GOLGA4: variants seen among roughly 807,000 people sequenced by gnomAD.
GOLGA4 encodes golgin subfamily A member 4.
A neutral mutation model predicts 265.9 loss-of-function variants in GOLGA4; 169 were observed. That is an observed-to-expected ratio of 0.64 (90% CI 0.56 to 0.72). GOLGA4 has a LOEUF of 0.72. Among genes scored for constraint, GOLGA4 ranks in the 30% least tolerant of loss-of-function variants. GOLGA4 has a pLI of 0.00. For missense variants in GOLGA4, 2,482 were observed against 2,483.4 expected, an observed-to-expected ratio of 1.00 and a Z score of 0.01; for synonymous variants, 923 against 855.8, an observed-to-expected ratio of 1.08 and a Z score of -1.37.
At chr3:37,346,662 G>A (rs1202375146) in intron 20 of GOLGA4, among the ~76,000 whole-genome samples, 1 of 152,094 alleles carries the variant, frequency 6.6e-6, no homozygotes, top group Non-Finnish European at 1.5e-5. Context: ...AGGTTATATT[G>A]CTAATAATTG....
chr3:37,273,819 C>T lies in GOLGA4; in HGVS notation c.163-8139C>T, dbSNP rs556484118. ...CTCATTTTAAAAATTAATGCAAGGC[C>T]AGGCACTGTGGCTCCCGCCTGTCTG... On this transcript the variant is annotated intron_variant, in intron 2 of 23. Transcript: ENST00000361924. Among the ~76,000 whole-genome samples, 7 of 152,234 alleles carry T rather than the reference C, an allele frequency of 4.6e-5. No homozygotes were observed. In the South Asian group the frequency reaches 1.0e-3, roughly 23 times the overall value.
Position 37,323,588 on chromosome 3 carries a change from A to G in GOLGA4, c.1702A>G (p.Arg568Gly), listed in dbSNP as rs1365975008. 1 of 1,537,260 alleles carries G rather than the reference A, an allele frequency of 6.5e-7. No homozygotes were observed. Among genetic ancestry groups the G allele is most frequent in the Non-Finnish European group, 8.8e-7 (1 of 1,142,262 alleles). Residue 568 changes from arginine to glycine, a missense_variant and splice_region_variant, in exon 14 of 24, where the codon AGA (arginine) becomes GGA (glycine). Arg to Gly is a moderately radical substitution (Grantham distance 125). This residue lies in a region of GOLGA4 where 1,536 missense variants were observed against 1,483.7 expected (regional missense o/e 1.04). Transcript: ENST00000361924. Reference sequence around the variant, plus strand: ...AAATGCATCTGTTTTTAATTAACAGAGAATTCTTGAATTGGAAAGTTCTTT... The same window carrying G: ...AAATGCATCTGTTTTTAATTAACAGGGAATTCTTGAATTGGAAAGTTCTTT... ...LQQEAETYRT[R>G]ILELESSLEK...
chr3:37,258,030 T>C (rs2096757229), intron 2 of GOLGA4, among the ~76,000 whole-genome samples: 4 of 81,436 alleles, frequency 4.9e-5, no homozygotes, highest in Admixed American at 4.2e-4. Context: ...TGTATGTATA[T>C]ATGTATATAT....
intron 19 of GOLGA4, among the ~76,000 whole-genome samples, chr3:37,338,377 A>T (rs932283771): frequency 3.9e-5 from 6 of 152,150 alleles, no homozygotes; most frequent in African/African-American, 1.4e-4. Flanking sequence ...TAATTGTACT[A>T]TATTTTCTTG....
At chr3:37,342,829 A>T (rs997862143) in intron 20 of GOLGA4, among the ~76,000 whole-genome samples, 1 of 152,216 alleles carries the variant, frequency 6.6e-6, no homozygotes, top group Non-Finnish European at 1.5e-5. Flanking sequence ...TATTTTTTGT[A>T]GTAATTTCCA....
intron 1 of GOLGA4, 179 bp downstream of exon 1, chr3:37,243,801 C>A: frequency 1.7e-6 from 1 of 592,516 alleles, no homozygotes; most frequent in Non-Finnish European, 3.0e-6. Context: ...TAACTCCTGA[C>A]CTGGATTTTC....
intron 9 of GOLGA4, among the ~76,000 whole-genome samples, chr3:37,299,582 G>A (rs2096887497): frequency 1.3e-5 from 2 of 152,092 alleles, no homozygotes; most frequent in Non-Finnish European, 2.9e-5. Context: ...ATCCCAGTCA[G>A]CATTATGATT....
At chr3:37,258,006 CATACATATAT>C (rs2096756569) in intron 2 of GOLGA4, among the ~76,000 whole-genome samples, 2 of 58,968 alleles carry the variant, frequency 3.4e-5, no homozygotes, top group Admixed American at 2.1e-4. Context: ...TGTATATATA[CATACATATAT>C]ATATGTATGT....
At position 37,282,139 on chromosome 3, in the gene GOLGA4, A is replaced by T. The variant is rs2096836436; in HGVS notation, c.344A>T (p.Asp115Val). The stretch of plus-strand genomic sequence containing the variant: ...CTGGACAGTTCTACTGCCAGTTTTG[A>T]TCCACCCTCTGATATGGATAGCGAG... ...LDLDSSTASF[D>V]PPSDMDSEAE... Residue 115 changes from aspartate to valine, a missense_variant, in exon 3 of 24, where the codon GAT (aspartate) becomes GTT (valine). Asp to Val is a radical substitution (Grantham distance 152). Around this residue, in one of 3 missense-constraint regions of GOLGA4, gnomAD observed 1,536 missense variants for 1,483.7 expected, o/e 1.04. Coordinates refer to ENST00000361924, the MANE Select transcript of GOLGA4 (RefSeq NM_002078.5). 1 of 1,614,134 alleles carries T rather than the reference A, an allele frequency of 6.2e-7. No individual in the cohort carries two copies. Among genetic ancestry groups the T allele is most frequent in the Non-Finnish European group, 8.5e-7 (1 of 1,179,992 alleles).
intron 11 of GOLGA4, among the ~76,000 whole-genome samples, chr3:37,316,918 A>T (rs1052134386): frequency 1.3e-5 from 2 of 151,672 alleles, no homozygotes; most frequent in East Asian, 3.9e-4. Flanking sequence ...TTAAAAATTC[A>T]GTTTTTTCTT....
Position 37,321,776 on chromosome 3 carries a change from C to A in GOLGA4, c.1591C>A (p.Gln531Lys). The A allele has an allele frequency of 1.2e-6, 2 of 1,611,360 alleles. No homozygotes were observed. The highest frequency in any genetic ancestry group is 1.7e-6 in the Non-Finnish European group (2 of 1,179,080). Residue 531 changes from glutamine to lysine, a missense_variant, in exon 13 of 24, where the codon CAG becomes AAG. This residue lies in a region of GOLGA4 where 1,536 missense variants were observed against 1,483.7 expected (regional missense o/e 1.04). Transcript: ENST00000361924. ...TTTGAAGATCAGCCAAGAAAAAGAA[C>A]AGCAAGAATCTTTGGCCCTAGAAGA... ...EYLKISQEKE[Q>K]QESLALEELE...
intron 2 of GOLGA4, among the ~76,000 whole-genome samples, chr3:37,258,010 CAT>C (rs755810824): frequency 0.016 from 965 of 59,496 alleles, 124 homozygotes; most frequent in African/African-American, 0.068. Context: ...TATATACATA[CAT>C]ATATATATGT....
At chr3:37,356,689 A>G (rs947628854) in intron 22 of GOLGA4, among the ~76,000 whole-genome samples, 5 of 152,266 alleles carry the variant, frequency 3.3e-5, no homozygotes, top group African/African-American at 1.2e-4. Flanking sequence ...ACTGAGTAAA[A>G]TATCTTTATG....
chr3:37,364,691 A>G (rs373986872), intron 23 of GOLGA4, among the ~76,000 whole-genome samples: 63 of 151,172 alleles, frequency 4.2e-4, no homozygotes, highest in African/African-American at 1.4e-3. Context: ...GGCTCAAGGA[A>G]TCCTCCCGCC....
chr3:37,243,752 C>T, intron 1 of GOLGA4, 130 bp downstream of exon 1: 1 of 729,600 alleles, frequency 1.4e-6, no homozygotes. Context: ...TTCCCAAACT[C>T]CGGACCCAGA....
At chr3:37,295,480 A>C (rs1052314483) in intron 6 of GOLGA4, among the ~76,000 whole-genome samples, 2 of 152,172 alleles carry the variant, frequency 1.3e-5, no homozygotes, top group African/African-American at 4.8e-5. Context: ...TGGCCTCCCA[A>C]AGTGTTGGGA....
At chr3:37,357,215 C>A (rs2097093156) in intron 22 of GOLGA4, among the ~76,000 whole-genome samples, 1 of 152,118 alleles carries the variant, frequency 6.6e-6, no homozygotes, top group Non-Finnish European at 1.5e-5. Flanking sequence ...CTTCCTTTAT[C>A]CCAGAGGTTG....
chr3:37,267,892 T>C (rs1462839580), intron 2 of GOLGA4, among the ~76,000 whole-genome samples: 1 of 152,176 alleles, frequency 6.6e-6, no homozygotes, highest in Non-Finnish European at 1.5e-5. Context: ...TTAAATTACA[T>C]TGTAAACTCA....
intron 14 of GOLGA4, among the ~76,000 whole-genome samples, 183 bp from the exon 15 acceptor site, chr3:37,328,233 G>GACAC (rs4021346): frequency 0.053 from 7,314 of 138,444 alleles, 269 homozygotes; most frequent in Middle Eastern, 0.11. Context: ...TATGTACCTG[G>GACAC]ACACACACAC....
Sources: allele counts gnomAD v4.1 joint callset (sites outside exome capture counted in the v4.1 genomes callset), GRCh38; gene constraint gnomAD v4.1.1; regional missense constraint gnomAD v4.1.1; transcripts MANE v1.5; gene names NCBI Gene and HGNC (gene_info 2026-07-23, HGNC 2026-07-21).